GALNTL6: variants seen among roughly 807,000 people sequenced by gnomAD.
GALNTL6 encodes the protein polypeptide N-acetylgalactosaminyltransferase like 6.
GALNTL6 carries 46 observed loss-of-function variants against 73.7 expected under a neutral mutation model. That is an observed-to-expected ratio of 0.62 (90% CI 0.49 to 0.80). The LOEUF is 0.80. GALNTL6 is among the 30% of genes least tolerant of loss of function. GALNTL6 has a pLI of 0.00. For missense variants in GALNTL6, 604 were observed against 755.0 expected (o/e 0.80, Z 2.34); for synonymous variants, 259 against 263.7 (o/e 0.98, Z 0.17).
At chr4:172,370,670 C>T (rs1480629814) in intron 5 of GALNTL6, among the ~76,000 whole-genome samples, 6 of 147,358 alleles carry the variant, frequency 4.1e-5, no homozygotes, top group Non-Finnish European at 7.5e-5. Context: ...AAGGCATTGT[C>T]TGACTTCGGA....
intron 2 of GALNTL6, among the ~76,000 whole-genome samples, chr4:172,113,879 C>T (rs970256546): frequency 2.6e-5 from 4 of 151,930 alleles, no homozygotes; most frequent in Admixed American, 6.6e-5. Context: ...TGTTAAATGT[C>T]GAACTTTTTA....
At chr4:172,155,834 C>T (rs1309272599) in intron 2 of GALNTL6, among the ~76,000 whole-genome samples, 1 of 152,082 alleles carries the variant, frequency 6.6e-6, no homozygotes, top group East Asian at 1.9e-4. Flanking sequence ...CCACACTACT[C>T]CATTTTCTAA....
chr4:171,906,762 C>T lies in GALNTL6; in HGVS notation c.138+92044C>T, dbSNP rs924306300. On this transcript the variant is annotated intron_variant, in intron 2 of 12. Transcript: ENST00000506823. ...AATCCTGAATAAAATACTGGCAAAC[C>T]GAATCCAGCAGCACATCAAAAAGCT... Among the ~76,000 whole-genome samples, 1,481 of 152,158 alleles carry T rather than the reference C, an allele frequency of 9.7e-3. 9 individuals carry two copies. Among genetic ancestry groups the T allele is most frequent in the Non-Finnish European group, 0.016 (1,077 of 68,002 alleles).
intron 2 of GALNTL6, among the ~76,000 whole-genome samples, chr4:172,177,770 T>C (rs116053551): frequency 6.1e-4 from 80 of 131,410 alleles, no homozygotes; most frequent in African/African-American, 2.6e-3. Flanking sequence ...TATATATATG[T>C]ACACATATAT....
intron 2 of GALNTL6, among the ~76,000 whole-genome samples, chr4:171,903,033 G>A (rs566252794): frequency 5.9e-5 from 9 of 152,082 alleles, no homozygotes. Context: ...GACGAAGAAG[G>A]AGTCTAAAAA....
At chr4:172,188,119 T>C (rs1579231254) in intron 2 of GALNTL6, among the ~76,000 whole-genome samples, 1 of 152,202 alleles carries the variant, frequency 6.6e-6, no homozygotes, top group East Asian at 1.9e-4. Flanking sequence ...TCATTGATCA[T>C]TCGTTGGGGA....
At chr4:172,662,684 G>A (rs1344324400) in intron 5 of GALNTL6, among the ~76,000 whole-genome samples, 4 of 152,216 alleles carry the variant, frequency 2.6e-5, no homozygotes, top group Non-Finnish European at 5.9e-5. Flanking sequence ...GAGTGCTTAT[G>A]AGGTGTCCAG....
chr4:172,341,600 G>T (rs1280764112), intron 4 of GALNTL6, among the ~76,000 whole-genome samples: 1 of 152,162 alleles, frequency 6.6e-6, no homozygotes, highest in Non-Finnish European at 1.5e-5. Context: ...AATCATGGGG[G>T]TGGGTCTTTC....
chr4:172,263,477 T>C (rs1738324099), intron 3 of GALNTL6, among the ~76,000 whole-genome samples: 1 of 151,448 alleles, frequency 6.6e-6, no homozygotes, highest in African/African-American at 2.4e-5. Context: ...TTGTGAGTGA[T>C]TTTTCTTTAT....
chr4:171,986,711 G>A (rs1011291276), intron 2 of GALNTL6, among the ~76,000 whole-genome samples: 1 of 152,042 alleles, frequency 6.6e-6, no homozygotes, highest in Non-Finnish European at 1.5e-5. Context: ...TATTGGTGAT[G>A]GCCTGGATAC....
intron 2 of GALNTL6, among the ~76,000 whole-genome samples, chr4:172,086,311 C>T (rs1022671087): frequency 1.3e-5 from 2 of 151,910 alleles, no homozygotes; most frequent in African/African-American, 4.8e-5. Context: ...AGGGAAACAT[C>T]GTGTCTGAAG....
chr4:172,421,201 A>G (rs958210848), intron 5 of GALNTL6, among the ~76,000 whole-genome samples: 1 of 152,164 alleles, frequency 6.6e-6, no homozygotes, highest in Non-Finnish European at 1.5e-5. Context: ...ATGGCAGGAT[A>G]TCTCTATCCC....
rs1731083162 is a variant in GALNTL6 at position 172,058,113 on chromosome 4, G to GTTTGTTTTGTT, written c.139-171541_139-171540insTGTTTTGTTTT. On this transcript the variant is annotated intron_variant, in intron 2 of 12. Coordinates refer to ENST00000506823, the MANE Select transcript of GALNTL6 (RefSeq NM_001034845.3). ...ACAATCTGTCACCCAGGCTGAAGTG[G>GTTTGTTTTGTT]TTGTTTTGTTTTGTTTTGTTTTGTT... Among the ~76,000 whole-genome samples, 11 of 146,380 alleles carry GTTTGTTTTGTT rather than the reference G, an allele frequency of 7.5e-5. No individual in the cohort carries two copies. In the South Asian group the frequency reaches 2.5e-3, roughly 33 times the overall value.
intron 5 of GALNTL6, among the ~76,000 whole-genome samples, chr4:172,742,342 C>T (rs1284167379): frequency 1.3e-5 from 2 of 151,736 alleles, no homozygotes; most frequent in African/African-American, 4.8e-5. Flanking sequence ...GTACTCCCTA[C>T]CTGCAATATG....
At chr4:172,154,981 A>G (rs768185069) in intron 2 of GALNTL6, among the ~76,000 whole-genome samples, 1 of 151,848 alleles carries the variant, frequency 6.6e-6, no homozygotes, top group African/African-American at 2.4e-5. Flanking sequence ...AGGTCATTAA[A>G]TTAATAAGGA....
intron 5 of GALNTL6, among the ~76,000 whole-genome samples, chr4:172,672,614 G>A (rs932070214): frequency 4.0e-5 from 6 of 151,852 alleles, no homozygotes; most frequent in Middle Eastern, 3.4e-3. Context: ...TGTACATCTG[G>A]TGGCATTCAG....
intron 2 of GALNTL6, among the ~76,000 whole-genome samples, chr4:172,214,957 T>C (rs990870631): frequency 2.6e-5 from 4 of 152,164 alleles, no homozygotes; most frequent in African/African-American, 9.7e-5. Context: ...CTCCAGAGCA[T>C]ACCACAATTT....
At chr4:172,654,508 TA>T (rs1197076386) in intron 5 of GALNTL6, among the ~76,000 whole-genome samples, 4 of 152,204 alleles carry the variant, frequency 2.6e-5, no homozygotes, top group Non-Finnish European at 5.9e-5. Flanking sequence ...ATCATTGTAA[TA>T]AAAAATGTTC....
At chr4:172,561,361 G>A (rs571286735) in intron 5 of GALNTL6, among the ~76,000 whole-genome samples, 1 of 151,160 alleles carries the variant, frequency 6.6e-6, no homozygotes. Context: ...CTAAGTCTGC[G>A]CTCCTAATCC....
Sources: gnomAD v4.1 joint callset for allele counts (sites outside exome capture counted in the v4.1 genomes callset) on GRCh38, gnomAD v4.1.1 for gene constraint, MANE v1.5 for transcripts, NCBI Gene and HGNC (gene_info 2026-07-23, HGNC 2026-07-21) for gene names.